The following ASTN2 variants were observed in gnomAD, a reference collection of about 807,000 sequenced individuals.
The protein encoded by ASTN2 is astrotactin-2.
ASTN2 carries 54 observed loss-of-function variants against 139.8 expected under a neutral mutation model. The ratio of observed to expected loss-of-function variants is 0.39; its 90% CI spans 0.31 to 0.48. The LOEUF is 0.48. ASTN2 is among the 20% of genes least tolerant of loss of function. The pLI is 0.95. For synonymous variants in ASTN2, 756 were observed against 719.5 expected, an observed-to-expected ratio of 1.05 and a Z score of -0.81; for missense variants, 1,565 against 1,725.1, an observed-to-expected ratio of 0.91 and a Z score of 1.64.
chr9:117,171,189 T>A (rs1279626165), intron 3 of ASTN2, among the ~76,000 whole-genome samples: 1 of 111,664 alleles, frequency 9.0e-6, no homozygotes, highest in African/African-American at 3.2e-5. Flanking sequence ...GAAAAAATAT[T>A]ACGAGGAAGC....
chr9:116,459,778 T>C (rs752457874), intron 20 of ASTN2, among the ~76,000 whole-genome samples: 1 of 151,876 alleles, frequency 6.6e-6, no homozygotes. Flanking sequence ...TATGGAGAAA[T>C]TGAAATCCTC....
chr9:117,305,720 A>C (rs1364850818), intron 1 of ASTN2, among the ~76,000 whole-genome samples: 1 of 152,208 alleles, frequency 6.6e-6, no homozygotes, highest in African/African-American at 2.4e-5. Context: ...AATAATAAAA[A>C]GGCTAACACT....
At chr9:117,004,927 A>G (rs1837311349) in intron 7 of ASTN2, among the ~76,000 whole-genome samples, 1 of 152,088 alleles carries the variant, frequency 6.6e-6, no homozygotes, top group Non-Finnish European at 1.5e-5. Context: ...ATTGAGTATC[A>G]ACTATGAATA....
At chr9:117,201,159 C>T (rs1831704288) in intron 3 of ASTN2, among the ~76,000 whole-genome samples, 2 of 152,122 alleles carry the variant, frequency 1.3e-5, no homozygotes, top group South Asian at 4.2e-4. Flanking sequence ...AGTTTATTTC[C>T]ATAGAGGTAT....
rs138027275 is a variant in ASTN2, at chr9:116,759,148, A to G, written c.2397-25625T>C. 0.013 allele frequency among the ~76,000 whole-genome samples: 1,912 copies of G among 152,294 alleles called. 77 individuals are homozygous for G. The South Asian group carries it at 0.16, about 13-fold the overall frequency. ...CCCCACTTCAGCCTCTCAGAGGGCT[A>G]AGATTCTAGGCCTGAGCCACCATGG... On this transcript the variant is annotated intron_variant, in intron 13 of 22. Coordinates refer to ENST00000313400, the MANE Select transcript of ASTN2 (RefSeq NM_001365068.1).
intron 19 of ASTN2, among the ~76,000 whole-genome samples, chr9:116,557,874 T>C (rs1362846689): frequency 6.6e-6 from 1 of 152,232 alleles, no homozygotes; most frequent in East Asian, 1.9e-4. Context: ...CATGTGGTTC[T>C]TGGGGTTTTC....
At chr9:116,930,083 TA>T in intron 10 of ASTN2, among the ~76,000 whole-genome samples, 1 of 152,140 alleles carries the variant, frequency 6.6e-6, no homozygotes. Context: ...TCCCAATTGC[TA>T]AAGCAAATGG....
intron 1 of ASTN2, among the ~76,000 whole-genome samples, chr9:117,296,978 C>T (rs73655686): frequency 7.7e-4 from 117 of 152,240 alleles, no homozygotes; most frequent in African/African-American, 2.7e-3. Flanking sequence ...TTCAGCCTCC[C>T]GGAAAAGAAA....
chr9:116,922,569 CAT>C (rs1247409810), intron 10 of ASTN2, among the ~76,000 whole-genome samples: 3 of 152,122 alleles, frequency 2.0e-5, no homozygotes, highest in African/African-American at 4.8e-5. Context: ...ATAGTAAAAA[CAT>C]GTGATAATGT....
chr9:116,987,672 T>A (rs563866549), intron 7 of ASTN2, among the ~76,000 whole-genome samples: 4 of 152,338 alleles, frequency 2.6e-5, no homozygotes, highest in Non-Finnish European at 5.9e-5. Context: ...ATTTACTATG[T>A]TTTTTCCTAT....
chr9:117,138,151 T>G lies in ASTN2; in HGVS notation c.1168+3175A>C, dbSNP rs182625651. 2.8e-4 allele frequency among the ~76,000 whole-genome samples: 43 copies of G among 152,312 alleles called. No homozygotes were observed. The East Asian group carries it at 8.3e-3, about 29-fold the overall frequency. On this transcript the variant is annotated intron_variant, in intron 4 of 22. Coordinates refer to ENST00000313400, the MANE Select transcript of ASTN2 (RefSeq NM_001365068.1). ...TCTTATATTTTAGAGAGGAGGATAG[T>G]AGACAAGCAAAAATTTAAAATTTTA...
chr9:116,741,490 C>G (rs1010092747), intron 13 of ASTN2, among the ~76,000 whole-genome samples: 5 of 152,178 alleles, frequency 3.3e-5, no homozygotes, highest in African/African-American at 1.2e-4. Context: ...CTCATCCCCC[C>G]TCTCTGACTG....
intron 13 of ASTN2, among the ~76,000 whole-genome samples, chr9:116,754,326 A>T (rs1207753339): frequency 6.6e-6 from 1 of 152,220 alleles, no homozygotes; most frequent in Non-Finnish European, 1.5e-5. Flanking sequence ...GTATATACCC[A>T]GTAATGGGAT....
intron 16 of ASTN2, among the ~76,000 whole-genome samples, chr9:116,701,880 G>GTTT (rs11395772): frequency 0.014 from 1,894 of 133,274 alleles, 29 homozygotes; most frequent in African/African-American, 0.041. Context: ...AGTTTTTTGG[G>GTTT]TTTTTTTTTT....
chr9:116,976,921 G>A, intron 7 of ASTN2, 136 bp from the exon 8 acceptor site: 1 of 685,704 alleles, frequency 1.5e-6, no homozygotes, highest in Non-Finnish European at 2.5e-6. Flanking sequence ...GGGTAATCTT[G>A]TCCATCAACC....
chr9:116,571,744 G>A (rs1163855799), intron 19 of ASTN2, among the ~76,000 whole-genome samples: 1 of 152,128 alleles, frequency 6.6e-6, no homozygotes, highest in Non-Finnish European at 1.5e-5. Context: ...TCTGTGCGTG[G>A]CATGCTATCC....
intron 20 of ASTN2, among the ~76,000 whole-genome samples, chr9:116,443,131 A>C (rs897206283): frequency 6.6e-6 from 1 of 152,264 alleles, no homozygotes; most frequent in African/African-American, 2.4e-5. Flanking sequence ...ATGCGGGAGC[A>C]TGGGGAGTAT....
At chr9:116,600,390 T>C (rs569506843) in intron 19 of ASTN2, among the ~76,000 whole-genome samples, 1 of 151,944 alleles carries the variant, frequency 6.6e-6, no homozygotes, top group South Asian at 2.1e-4. Flanking sequence ...ACTCAGCCAT[T>C]CTTCCTGATC....
Position 116,545,179 on chromosome 9 carries a change from C to T in ASTN2, c.3356-57679G>A, listed in dbSNP as rs535143319. On this transcript the variant is annotated intron_variant, in intron 19 of 22. Transcript: ENST00000313400. ...GGATGCCAGACTTGGCATGGGGGTC[C>T]GCCTGCCTGGGGCCATTGGCTTGCC... Among the ~76,000 whole-genome samples, 38 of 152,260 alleles carry T rather than the reference C, an allele frequency of 2.5e-4. 1 individual carries two copies. The highest frequency in any genetic ancestry group is 6.5e-4 in the African/African-American group (27 of 41,558).
Sources: allele counts gnomAD v4.1 joint callset (sites outside exome capture counted in the v4.1 genomes callset), GRCh38; gene constraint gnomAD v4.1.1; transcripts MANE v1.5; gene names NCBI Gene and HGNC (gene_info 2026-07-23, HGNC 2026-07-21).